PHACTR3: variants seen among roughly 807,000 people sequenced by gnomAD.
PHACTR3 encodes phosphatase and actin regulator 3.
Under a neutral mutation model 66.8 loss-of-function variants are expected in PHACTR3, and 16 were observed. The ratio of observed to expected loss-of-function variants is 0.24; its 90% CI spans 0.16 to 0.36. The LOEUF (loss-of-function observed/expected upper bound fraction) is 0.36, where lower values mean the gene tolerates loss of function less well. Among genes scored for constraint, PHACTR3 ranks in the 10% least tolerant of loss-of-function variants. The probability of loss-of-function intolerance (pLI) is 1.00; values close to 1 mark genes in which losing one functional copy is unlikely to be tolerated. For missense variants in PHACTR3, 647 were observed against 719.9 expected, an observed-to-expected ratio of 0.90 and a Z score of 1.16; for synonymous variants, 323 against 292.1, an observed-to-expected ratio of 1.11 and a Z score of -1.08.
rs1333289263 is a variant in PHACTR3 at position 59,738,946 on chromosome 20, A to G, written c.119-4161A>G. Among the ~76,000 whole-genome samples, 2 of 152,078 alleles carry G rather than the reference A, an allele frequency of 1.3e-5. No homozygotes were observed. The highest frequency in any genetic ancestry group is 2.9e-5 in the Non-Finnish European group (2 of 67,990). ...CAGGACAGCAGGCTTTCCCAGGGCC[A>G]TGTGGAGTCACAGTCTTGCTCCCAT... On this transcript the variant is annotated intron_variant, in intron 1 of 12. Transcript: ENST00000371015. The surrounding 1 kb of genome is among the most constrained non-coding windows in gnomAD (Gnocchi z 4.4).
chr20:59,778,220 C>T (rs1237525059), intron 7 of PHACTR3, among the ~76,000 whole-genome samples: 3 of 152,210 alleles, frequency 2.0e-5, no homozygotes, highest in East Asian at 3.9e-4. Flanking sequence ...CAGGTGGCCA[C>T]AGGACCAGGG....
chr20:59,764,447 C>G (rs1338136179), intron 4 of PHACTR3, among the ~76,000 whole-genome samples: 4 of 152,168 alleles, frequency 2.6e-5, no homozygotes, highest in Non-Finnish European at 1.5e-5. Flanking sequence ...GACAAACCTT[C>G]CCCACCATGG....
In PHACTR3 at chr20:59,847,229, C is replaced by T. The variant is rs2059166754; in HGVS notation, c.*99C>T. 2.3e-6 allele frequency: 2 copies of T among 854,226 alleles called. No individual in the cohort carries two copies. The highest frequency in any genetic ancestry group is 3.8e-6 in the Non-Finnish European group (2 of 526,806). 52.9% of individuals were successfully genotyped at this position (854,226 alleles called of 1,614,324 possible). A position where few individuals can be genotyped will look rare whatever the true frequency, so the allele number is the denominator to read the frequency against. ...GAAGTTCAGCTCAAGACTACCCTAC[C>T]TGCTGTGTTTGTGAGAAGAGTAGGA... On this transcript the variant is annotated 3_prime_UTR_variant, in exon 13 of 13. Coordinates refer to ENST00000371015, the MANE Select transcript of PHACTR3 (RefSeq NM_080672.5).
chr20:59,636,319 G>T (rs868257180), intron 1 of PHACTR3, among the ~76,000 whole-genome samples: 4 of 152,096 alleles, frequency 2.6e-5, no homozygotes, highest in Non-Finnish European at 4.4e-5. Flanking sequence ...ATTCAATGAG[G>T]GCCTACTATG....
intron 7 of PHACTR3, among the ~76,000 whole-genome samples, chr20:59,796,773 T>C (rs2041262291): frequency 6.6e-6 from 1 of 152,204 alleles, no homozygotes. Context: ...CTTCTGCTTT[T>C]AGAATCTTTT....
At chr20:59,750,401 C>T (rs2039536441) in intron 3 of PHACTR3, among the ~76,000 whole-genome samples, 1 of 152,128 alleles carries the variant, frequency 6.6e-6, no homozygotes, top group Non-Finnish European at 1.5e-5. Flanking sequence ...CCTCATCCTC[C>T]ACAGCTGATT....
intron 3 of PHACTR3, among the ~76,000 whole-genome samples, chr20:59,751,327 C>G (rs974430500): frequency 6.6e-6 from 1 of 152,204 alleles, no homozygotes; most frequent in African/African-American, 2.4e-5. Context: ...GACGGGACTT[C>G]ATGCAGGACA....
intron 3 of PHACTR3, among the ~76,000 whole-genome samples, chr20:59,750,105 G>A (rs1004127004): frequency 1.3e-4 from 20 of 152,248 alleles, no homozygotes; most frequent in Non-Finnish European, 2.9e-4. Flanking sequence ...TGTTCTGAAC[G>A]CACATCCAGT....
chr20:59,737,599 C>A lies in PHACTR3; in HGVS notation c.119-5508C>A, dbSNP rs555421740. On this transcript the variant is annotated intron_variant, in intron 1 of 12. Transcript: ENST00000371015. ...GTGCGTGTGTGTGCATGCACACCAG[C>A]TGATACCTGTGATGAGAAAAATAAA... Among the ~76,000 whole-genome samples, 122 of 152,030 alleles carry A rather than the reference C, an allele frequency of 8.0e-4. 1 individual carries two copies. Among genetic ancestry groups the A allele is most frequent in the Middle Eastern group, 3.4e-3 (1 of 294 alleles).
rs114118644 is a variant in PHACTR3 at position 59,805,958 on chromosome 20, C to T, written c.1175-83C>T. On this transcript the variant is annotated intron_variant, in intron 7 of 12. Coordinates refer to ENST00000371015, the MANE Select transcript of PHACTR3 (RefSeq NM_080672.5). ...TGGAGTCCTTCCTCTGGCAGGTGGG[C>T]GGCTCCATTGACAAGCCAGCCCTCC... is the stretch of plus-strand genomic sequence containing the variant. 6,751 of 1,445,028 alleles carry T rather than the reference C, an allele frequency of 4.7e-3. 259 individuals carry two copies. The African/African-American group carries it at 0.083, about 18-fold the overall frequency. 89.5% of individuals were successfully genotyped at this position (1,445,028 alleles called of 1,614,324 possible). A position where few individuals can be genotyped will look rare whatever the true frequency, so the allele number is the denominator to read the frequency against.
chr20:59,607,290 G>GT (rs2033703669), intron 1 of PHACTR3, among the ~76,000 whole-genome samples: 1 of 152,122 alleles, frequency 6.6e-6, no homozygotes, highest in African/African-American at 2.4e-5. Context: ...AGAGCCTGGG[G>GT]TTTTAGGTAT....
At chr20:59,728,021 T>C (rs1319827277) in intron 1 of PHACTR3, among the ~76,000 whole-genome samples, 1 of 152,214 alleles carries the variant, frequency 6.6e-6, no homozygotes, top group South Asian at 2.1e-4. Flanking sequence ...GTTACTGTTG[T>C]TGAGGTAAAA....
chr20:59,663,745 T>G (rs1463863747), intron 1 of PHACTR3, among the ~76,000 whole-genome samples: 1 of 152,180 alleles, frequency 6.6e-6, no homozygotes, highest in Non-Finnish European at 1.5e-5. Flanking sequence ...CTGTGTGGCC[T>G]TGAGGAGGGT....
intron 8 of PHACTR3, among the ~76,000 whole-genome samples, chr20:59,834,651 G>T (rs773689917): frequency 6.6e-6 from 1 of 152,106 alleles, no homozygotes; most frequent in Non-Finnish European, 1.5e-5. Context: ...GTTAAGAGAC[G>T]CTATGGTCTT....
At chr20:59,581,582 A>G (rs2032858917) in intron 1 of PHACTR3, among the ~76,000 whole-genome samples, 1 of 152,188 alleles carries the variant, frequency 6.6e-6, no homozygotes, top group Non-Finnish European at 1.5e-5. Flanking sequence ...GTGATCCCCA[A>G]TCTTTAGAAA....
intron 1 of PHACTR3, among the ~76,000 whole-genome samples, chr20:59,709,575 T>G (rs908435601): frequency 6.6e-6 from 1 of 152,234 alleles, no homozygotes; most frequent in Non-Finnish European, 1.5e-5. Context: ...CCAGAAGTAC[T>G]GGTTATATTA....
intron 1 of PHACTR3, among the ~76,000 whole-genome samples, chr20:59,620,485 T>C (rs931384505): frequency 3.9e-5 from 6 of 152,254 alleles, no homozygotes; most frequent in Admixed American, 2.0e-4. Context: ...AGTGTCTTCA[T>C]AGCCTGATGC....
chr20:59,755,473 C>T, intron 4 of PHACTR3, 109 bp downstream of exon 4: 3 of 1,264,548 alleles, frequency 2.4e-6, no homozygotes, highest in Non-Finnish European at 3.2e-6. Context: ...ACATTGTTCT[C>T]CAGAGAGCTG....
intron 1 of PHACTR3, among the ~76,000 whole-genome samples, chr20:59,667,915 A>G (rs1324639043): frequency 5.9e-5 from 9 of 152,208 alleles, no homozygotes; most frequent in Admixed American, 6.5e-5. Flanking sequence ...TAAGCAGTGA[A>G]TTCTGCAGGG....
Sources: allele counts gnomAD v4.1 joint callset (sites outside exome capture counted in the v4.1 genomes callset), GRCh38; gene constraint gnomAD v4.1.1; non-coding constraint Gnocchi (gnomAD v3.1); transcripts MANE v1.5; gene names NCBI Gene and HGNC (gene_info 2026-07-23, HGNC 2026-07-21).